Variants in ADGRV1 observed in about 807,000 individuals in gnomAD.
The protein encoded by ADGRV1 is G-protein coupled receptor 98.
ADGRV1 carries 359 observed loss-of-function variants against 596.2 expected under a neutral mutation model. The observed-to-expected ratio is 0.60, with a 90% CI of 0.55 to 0.66. ADGRV1 has a LOEUF of 0.66. Ranked by LOEUF, ADGRV1 falls within the 30% of genes least tolerant of loss-of-function variation. ADGRV1 has a pLI of 0.00. For synonymous variants in ADGRV1, 2,681 were observed against 2,679.2 expected (o/e 1.00, Z -0.02); for missense variants, 7,274 against 7,575.6 (o/e 0.96, Z 1.48).
In ADGRV1 at chr5:90,750,705, A is replaced by G. The variant is rs1303957569; in HGVS notation, c.11121+8A>G. 2.5e-6 allele frequency: 4 copies of G among 1,607,462 alleles called. 1 individual carries two copies. The highest frequency in any genetic ancestry group is 2.2e-5 in the South Asian group (2 of 90,574). On this transcript the variant is annotated splice_region_variant and intron_variant, in intron 53 of 89. Transcript: ENST00000405460. The stretch of plus-strand genomic sequence containing the variant: ...TTTCCTACCTCAGGAGTGGTATGTA[A>G]TTTACAAAGTTATAGGAAACACTTT...
At chr5:91,031,790 A>G (rs1024346443) in intron 85 of ADGRV1, among the ~76,000 whole-genome samples, 22 of 152,260 alleles carry the variant, frequency 1.4e-4, no homozygotes, top group East Asian at 3.9e-4. Flanking sequence ...CATTTATGTG[A>G]TCAATAAATT....
intron 84 of ADGRV1, among the ~76,000 whole-genome samples, chr5:90,978,168 G>A (rs188899465): frequency 1.3e-5 from 2 of 151,952 alleles, no homozygotes; most frequent in Non-Finnish European, 2.9e-5. Context: ...GGTGGCAGGC[G>A]CCTGTAGTCC....
intron 21 of ADGRV1, among the ~76,000 whole-genome samples, chr5:90,659,854 A>C (rs1769989041): frequency 6.6e-6 from 1 of 152,122 alleles, no homozygotes; most frequent in Non-Finnish European, 1.5e-5. Context: ...AACATGGTGA[A>C]ACCCCGTCTC....
intron 83 of ADGRV1, among the ~76,000 whole-genome samples, chr5:90,890,266 T>G (rs961721745): frequency 6.6e-6 from 1 of 151,478 alleles, no homozygotes; most frequent in African/African-American, 2.4e-5. Flanking sequence ...GTAGGTCTGT[T>G]TTATGCATTT....
intron 81 of ADGRV1, among the ~76,000 whole-genome samples, chr5:90,855,231 A>G (rs1335328395): frequency 6.6e-6 from 1 of 152,184 alleles, no homozygotes; most frequent in African/African-American, 2.4e-5. Context: ...ACTTTTAAGA[A>G]CCTTAGAAAA....
At chr5:90,585,136 T>A (rs982495216) in intron 1 of ADGRV1, among the ~76,000 whole-genome samples, 4 of 152,196 alleles carry the variant, frequency 2.6e-5, no homozygotes, top group African/African-American at 7.2e-5. Context: ...GATGTCAAAA[T>A]GAGTTGTGAG....
intron 2 of ADGRV1, 29 bp downstream of exon 2, chr5:90,615,048 C>T: frequency 7.7e-7 from 1 of 1,305,160 alleles, no homozygotes; most frequent in East Asian, 2.6e-5. Context: ...TCTATTTTTA[C>T]TGAAATAGAT....
chr5:90,746,148 T>C (rs752240502), intron 52 of ADGRV1, among the ~76,000 whole-genome samples: 1 of 150,532 alleles, frequency 6.6e-6, no homozygotes, highest in Non-Finnish European at 1.5e-5. Flanking sequence ...ATGCAATATA[T>C]ACTGTGTGAT....
chr5:90,593,604 A>G (rs1012727448), intron 1 of ADGRV1, among the ~76,000 whole-genome samples: 2 of 152,136 alleles, frequency 1.3e-5, no homozygotes, highest in African/African-American at 2.4e-5. Context: ...TATAATAATA[A>G]TTTTTTAAAA....
chr5:90,574,297 ATATTTT>A (rs1225168754), intron 1 of ADGRV1, among the ~76,000 whole-genome samples: 1 of 152,006 alleles, frequency 6.6e-6, no homozygotes, highest in African/African-American at 2.4e-5. Flanking sequence ...TAAGAATAGA[ATATTTT>A]TTCATTTGTG....
At chr5:90,871,398 C>T (rs1227744283) in intron 83 of ADGRV1, among the ~76,000 whole-genome samples, 2 of 152,104 alleles carry the variant, frequency 1.3e-5, no homozygotes, top group Non-Finnish European at 2.9e-5. Context: ...TTTCAAAATT[C>T]AGCTCAAATA....
At chr5:90,727,884 TC>T (rs1230910006) in intron 48 of ADGRV1, among the ~76,000 whole-genome samples, 1 of 152,208 alleles carries the variant, frequency 6.6e-6, no homozygotes, top group Non-Finnish European at 1.5e-5. Context: ...GTCATGTTGT[TC>T]CTTCTAACTT....
chr5:90,979,370 A>G (rs555937371), intron 84 of ADGRV1, among the ~76,000 whole-genome samples: 4 of 152,108 alleles, frequency 2.6e-5, no homozygotes, highest in Admixed American at 1.3e-4. Context: ...GGGTTTCCCT[A>G]TGTTGCCCAG....
intron 70 of ADGRV1, chr5:90,792,494 T>G (rs577770764): frequency 6.6e-6 from 1 of 152,318 alleles, no homozygotes; most frequent in African/African-American, 2.4e-5. Context: ...TCATAGCTAT[T>G]CCTACATTCC....
At chr5:90,975,135 T>C (rs1399666328) in intron 84 of ADGRV1, among the ~76,000 whole-genome samples, 2 of 151,398 alleles carry the variant, frequency 1.3e-5, no homozygotes, top group African/African-American at 4.9e-5. Flanking sequence ...GAAATGGAAA[T>C]CAAAACCACA....
chr5:90,819,482 T>A (rs1276398244), intron 75 of ADGRV1, among the ~76,000 whole-genome samples: 1 of 150,358 alleles, frequency 6.7e-6, no homozygotes, highest in Non-Finnish European at 1.5e-5. Flanking sequence ...TGCTCTTGCT[T>A]TTCTAGTTCT....
intron 1 of ADGRV1, among the ~76,000 whole-genome samples, chr5:90,577,741 A>G (rs1481882632): frequency 6.6e-6 from 1 of 152,152 alleles, no homozygotes; most frequent in African/African-American, 2.4e-5. Context: ...GATTCTTCCT[A>G]TCCATGAGCA....
At chr5:90,863,696 A>G (rs1162367874) in intron 82 of ADGRV1, 61 bp from the exon 83 acceptor site, 3 of 1,227,644 alleles carry the variant, frequency 2.4e-6, no homozygotes, top group African/African-American at 3.0e-5. Context: ...GATTCTTGCT[A>G]TGATGCTGTT....
At chr5:90,825,030 G>A (rs987614927) in intron 76 of ADGRV1, among the ~76,000 whole-genome samples, 2 of 152,046 alleles carry the variant, frequency 1.3e-5, no homozygotes, top group African/African-American at 4.8e-5. Flanking sequence ...TCCACCTCCT[G>A]AGTTCAAGCG....
Sources: allele counts gnomAD v4.1 joint callset (sites outside exome capture counted in the v4.1 genomes callset), GRCh38; gene constraint gnomAD v4.1.1; transcripts MANE v1.5; gene names NCBI Gene and HGNC (gene_info 2026-07-23, HGNC 2026-07-21).